CUX2: variants seen among roughly 807,000 people sequenced by gnomAD.
CUX2 encodes homeobox protein cut-like 2.
Under a neutral mutation model 144.8 loss-of-function variants are expected in CUX2, and 40 were observed. That is an observed-to-expected ratio of 0.28 (90% CI 0.21 to 0.36). The LOEUF (loss-of-function observed/expected upper bound fraction) is 0.36, where lower values mean the gene tolerates loss of function less well. CUX2 is among the 10% of genes least tolerant of loss of function. The pLI is 1.00. For synonymous variants in CUX2, 827 were observed against 875.6 expected (o/e 0.94, Z 0.98); for missense variants, 1,615 against 1,994.0 (o/e 0.81, Z 3.62).
intron 1 of CUX2, among the ~76,000 whole-genome samples, chr12:111,110,397 C>G (rs1873867834): frequency 6.6e-6 from 1 of 152,158 alleles, no homozygotes; most frequent in Non-Finnish European, 1.5e-5. Context: ...CTCTTCTTCC[C>G]CCAGCAAATC....
chr12:111,100,827 G>A (rs1227019399), intron 1 of CUX2, among the ~76,000 whole-genome samples: 1 of 152,200 alleles, frequency 6.6e-6, no homozygotes. Flanking sequence ...TGTTGCATAT[G>A]AGCACATGTG....
chr12:111,309,627 A>G (rs1886774011), intron 14 of CUX2, among the ~76,000 whole-genome samples: 1 of 120,544 alleles, frequency 8.3e-6, no homozygotes. Flanking sequence ...TCCTTCCTCT[A>G]TTTCTGACTT....
chr12:111,147,612 A>G (rs1225535542), intron 1 of CUX2, among the ~76,000 whole-genome samples: 2 of 152,178 alleles, frequency 1.3e-5, no homozygotes, highest in East Asian at 1.9e-4. Flanking sequence ...GCTCGATTGC[A>G]TGGAGCAGGG....
At chr12:111,078,960 G>A (rs1369102217) in intron 1 of CUX2, among the ~76,000 whole-genome samples, 1 of 152,216 alleles carries the variant, frequency 6.6e-6, no homozygotes, top group Non-Finnish European at 1.5e-5. Context: ...AGCCTAATGA[G>A]GCCTATAGCC....
chr12:111,258,213 C>G (rs947555067), intron 3 of CUX2, among the ~76,000 whole-genome samples: 2 of 152,186 alleles, frequency 1.3e-5, no homozygotes, highest in Admixed American at 1.3e-4. Context: ...AGGTCAGGCT[C>G]TGATGCCATC....
intron 1 of CUX2, among the ~76,000 whole-genome samples, chr12:111,147,606 G>A (rs955484970): frequency 2.6e-5 from 4 of 152,200 alleles, no homozygotes; most frequent in Non-Finnish European, 4.4e-5. Flanking sequence ...CAGATTGCTC[G>A]ATTGCATGGA....
chr12:111,197,631 G>A (rs1234700352), intron 1 of CUX2, among the ~76,000 whole-genome samples: 4 of 152,132 alleles, frequency 2.6e-5, no homozygotes, highest in Admixed American at 1.3e-4. Context: ...TGCCAGTGGC[G>A]GCCTGTCTTG....
intron 3 of CUX2, among the ~76,000 whole-genome samples, chr12:111,249,612 A>T (rs1035144860): frequency 6.6e-6 from 1 of 151,600 alleles, no homozygotes; most frequent in Non-Finnish European, 1.5e-5. Context: ...ACGCGACACC[A>T]TGCCCAGCTA....
chr12:111,321,542 A>C (rs1887533803), intron 17 of CUX2, among the ~76,000 whole-genome samples: 1 of 152,016 alleles, frequency 6.6e-6, no homozygotes, highest in Admixed American at 6.6e-5. Flanking sequence ...AAAATAAAAA[A>C]AATTAGCCAA....
chr12:111,320,069 G>A lies in CUX2; in HGVS notation c.2060G>A (p.Ser687Asn), dbSNP rs1306833169. 6.4e-7 allele frequency: 1 copy of A among 1,552,746 alleles called. No homozygotes were observed. The highest frequency in any genetic ancestry group is 1.9e-5 in the Admixed American group (1 of 51,404). Residue 687 changes from serine to asparagine, a missense_variant, in exon 17 of 22, where the codon AGC becomes AAC. Around this residue, in one of 12 missense-constraint regions of CUX2, gnomAD observed 390 missense variants for 387.1 expected, o/e 1.01. Transcript: ENST00000261726. The surrounding 1 kb of genome is among the most constrained non-coding windows in gnomAD (Gnocchi z 8.1). ...ATCGCCAACGGCACGACCCCCGCCAGCACCTCGGAGGACGCCATCAAGAGC... is the reference window on the plus strand; with the variant it reads ...ATCGCCAACGGCACGACCCCCGCCAACACCTCGGAGGACGCCATCAAGAGC... ...LSIANGTTPASTSEDAIKSIL... is the reference protein window; with the variant it reads ...LSIANGTTPANTSEDAIKSIL...
At chr12:111,099,701 T>C (rs1296774424) in intron 1 of CUX2, 6 of 456,532 alleles carry the variant, frequency 1.3e-5, no homozygotes, top group Non-Finnish European at 2.6e-5. Flanking sequence ...CCAGTCTCTC[T>C]GATCACCTAT....
intron 1 of CUX2, among the ~76,000 whole-genome samples, chr12:111,201,687 G>T (rs1360273219): frequency 6.6e-6 from 1 of 152,128 alleles, no homozygotes; most frequent in Admixed American, 6.5e-5. Context: ...CCCTGCACCT[G>T]GCACCTTCTC....
chr12:111,105,437 A>G (rs890585395), intron 1 of CUX2, among the ~76,000 whole-genome samples: 4 of 151,972 alleles, frequency 2.6e-5, no homozygotes, highest in African/African-American at 9.7e-5. Flanking sequence ...AGCAAAGGGG[A>G]GATGTTTTGA....
In CUX2 at chr12:111,307,840, AG is replaced by A. The variant is rs1423988290; in HGVS notation, c.1110-443del. Among the ~76,000 whole-genome samples the A allele has an allele frequency of 2.0e-5, 3 of 152,138 alleles. No individual in the cohort carries two copies. Among genetic ancestry groups the A allele is most frequent in the Non-Finnish European group, 4.4e-5 (3 of 68,020 alleles). On this transcript the variant is annotated intron_variant, in intron 12 of 21. Transcript: ENST00000261726. The surrounding 1 kb of genome is among the most constrained non-coding windows in gnomAD (Gnocchi z 4.1). ...TCTACTAAAAATACAGAAATTAGCC[AG>A]GTGTGGTGGCGCTCACCTGTAGTCC...
intron 5 of CUX2, among the ~76,000 whole-genome samples, chr12:111,292,321 G>A (rs1885733969): frequency 6.6e-6 from 1 of 151,772 alleles, no homozygotes; most frequent in South Asian, 2.1e-4. Flanking sequence ...GCCAGGTGCA[G>A]TGGCTCATGC....
rs532134091 is a variant in CUX2, at chr12:111,350,431, G to A, written c.*2106G>A. 2.6e-5 allele frequency: 4 copies of A among 152,332 alleles called. No homozygotes were observed. The highest frequency in any genetic ancestry group is 2.0e-4 in the Admixed American group (3 of 15,252). 9.4% of individuals were successfully genotyped at this position (152,332 alleles called of 1,614,324 possible). A position where few individuals can be genotyped will look rare whatever the true frequency, so the allele number is the denominator to read the frequency against. On this transcript the variant is annotated 3_prime_UTR_variant, in exon 22 of 22. Coordinates refer to ENST00000261726, the MANE Select transcript of CUX2 (RefSeq NM_015267.4). Reference sequence around the variant, plus strand: ...CTTTGTCAGGTTCACGTCCTATAACGGTTAAAAAACACACACACACATACA... The same window carrying A: ...CTTTGTCAGGTTCACGTCCTATAACAGTTAAAAAACACACACACACATACA...
At position 111,068,845 on chromosome 12, in the gene CUX2, C is replaced by T. The variant is rs938531485; in HGVS notation, c.63+34605C>T. 6.6e-6 allele frequency among the ~76,000 whole-genome samples: 1 copy of T among 152,146 alleles called. No individual in the cohort carries two copies. The highest frequency in any genetic ancestry group is 1.5e-5 in the Non-Finnish European group (1 of 68,022). ...CCTGGGCAGGGTTTGGTGGCTCATG[C>T]CTGTCATCCCAGCACTTTGGGAGGC... On this transcript the variant is annotated intron_variant, in intron 1 of 21. Transcript: ENST00000261726. The surrounding 1 kb of genome is among the most constrained non-coding windows in gnomAD (Gnocchi z 4.9).
chr12:111,096,792 G>C (rs1872842481), intron 1 of CUX2, among the ~76,000 whole-genome samples: 1 of 152,104 alleles, frequency 6.6e-6, no homozygotes, highest in African/African-American at 2.4e-5. Flanking sequence ...AACCTGGCCA[G>C]CATGATGAAA....
At chr12:111,063,980 G>A (rs1045000093) in intron 1 of CUX2, among the ~76,000 whole-genome samples, 29 of 152,210 alleles carry the variant, frequency 1.9e-4, no homozygotes, top group African/African-American at 6.5e-4. Flanking sequence ...GTGGGGACAG[G>A]GGAATGAATG....
Sources: gnomAD v4.1 joint callset for allele counts (sites outside exome capture counted in the v4.1 genomes callset) on GRCh38, gnomAD v4.1.1 for gene constraint, gnomAD v4.1.1 regional missense constraint, Gnocchi (gnomAD v3.1) non-coding constraint, MANE v1.5 for transcripts, NCBI Gene and HGNC (gene_info 2026-07-23, HGNC 2026-07-21) for gene names.